The following ANKRD12 variants were observed in gnomAD, a reference collection of about 807,000 sequenced individuals.
ANKRD12 encodes the protein ankyrin repeat domain 12.
In ANKRD12, 85 loss-of-function variants were observed where a neutral mutation model predicts 183.4. The observed-to-expected ratio is 0.46, with a 90% CI of 0.39 to 0.56. The LOEUF is 0.56. Among genes scored for constraint, ANKRD12 ranks in the 20% least tolerant of loss-of-function variants. The pLI is 0.00. For synonymous variants in ANKRD12, 914 were observed against 800.2 expected, an observed-to-expected ratio of 1.14 and a Z score of -2.40; for missense variants, 2,405 against 2,357.1, an observed-to-expected ratio of 1.02 and a Z score of -0.42.
chr18:9,157,550 GGTGTGTGT>G (rs71168037), intron 1 of ANKRD12, among the ~76,000 whole-genome samples: 50 of 114,568 alleles, frequency 4.4e-4, no homozygotes, highest in Admixed American at 2.3e-3. Flanking sequence ...GGTGTGTGTG[GGTGTGTGT>G]GTGTGTGTGT....
chr18:9,234,883 G>A (rs540537494), intron 8 of ANKRD12, among the ~76,000 whole-genome samples: 1 of 152,198 alleles, frequency 6.6e-6, no homozygotes, highest in Non-Finnish European at 1.5e-5. Context: ...TGGGGTTGTG[G>A]ACTACTAAAG....
intron 1 of ANKRD12, among the ~76,000 whole-genome samples, chr18:9,162,932 T>C (rs2031623987): frequency 6.6e-6 from 1 of 152,212 alleles, no homozygotes; most frequent in Non-Finnish European, 1.5e-5. Flanking sequence ...TTGTAGACTC[T>C]GGATATTAAA....
chr18:9,199,367 T>C (rs2035034293), intron 3 of ANKRD12, among the ~76,000 whole-genome samples: 1 of 152,246 alleles, frequency 6.6e-6, no homozygotes, highest in South Asian at 2.1e-4. Context: ...GTAATTTGTG[T>C]ATTTACATTT....
At chr18:9,242,050 C>T (rs192085734) in intron 8 of ANKRD12, among the ~76,000 whole-genome samples, 79 of 151,238 alleles carry the variant, frequency 5.2e-4, no homozygotes, top group African/African-American at 1.5e-3. Flanking sequence ...TATATATATA[C>T]ACACACACAC....
chr18:9,193,517 T>C (rs952634844), intron 2 of ANKRD12, among the ~76,000 whole-genome samples: 2 of 152,094 alleles, frequency 1.3e-5, no homozygotes, highest in African/African-American at 4.8e-5. Flanking sequence ...GTGGTTTTTT[T>C]TTGTTTGTTT....
intron 1 of ANKRD12, among the ~76,000 whole-genome samples, chr18:9,146,997 G>T (rs2078514154): frequency 6.6e-6 from 1 of 152,156 alleles, no homozygotes. Flanking sequence ...ATTGGATCAG[G>T]GTGGAAATGA....
intron 2 of ANKRD12, among the ~76,000 whole-genome samples, chr18:9,186,137 A>ATTTTT (rs11310603): frequency 1.6e-5 from 2 of 126,770 alleles, no homozygotes; most frequent in Non-Finnish European, 3.3e-5. Context: ...TAAAAGTGTG[A>ATTTTT]TTTTTTTTTT....
In ANKRD12 at chr18:9,182,399, T is replaced by G; in HGVS notation, c.-34T>G. 1 of 1,421,104 alleles carries G rather than the reference T, an allele frequency of 7.0e-7. No individual in the cohort carries two copies. The allele number at this position is 1,421,104 out of a possible 1,614,324, so 88.0% of individuals were successfully genotyped here. A position where few individuals can be genotyped will look rare whatever the true frequency, so the allele number is the denominator to read the frequency against. On this transcript the variant is annotated 5_prime_UTR_variant, in exon 2 of 13. Coordinates refer to ENST00000262126, the MANE Select transcript of ANKRD12 (RefSeq NM_015208.5). ...CTTTACAGATCCAGGATGAGAAGAC[T>G]GATAAAAGAAGAAGCTAGCTGAACA...
intron 10 of ANKRD12, among the ~76,000 whole-genome samples, chr18:9,265,970 G>A (rs181648603): frequency 4.6e-5 from 7 of 152,304 alleles, no homozygotes; most frequent in South Asian, 4.1e-4. Flanking sequence ...ACTACATGAC[G>A]AATGCACAAG....
intron 6 of ANKRD12, among the ~76,000 whole-genome samples, chr18:9,214,829 G>T (rs951117378): frequency 3.3e-5 from 5 of 152,094 alleles, no homozygotes; most frequent in African/African-American, 1.2e-4. Context: ...TGAAAACGTT[G>T]CACTTTTTTG....
intron 1 of ANKRD12, among the ~76,000 whole-genome samples, chr18:9,139,913 G>A (rs765735564): frequency 4.6e-5 from 7 of 152,188 alleles, no homozygotes; most frequent in Admixed American, 2.6e-4. Context: ...TGGTTTGGCC[G>A]AGAGGTTTCT....
intron 10 of ANKRD12, among the ~76,000 whole-genome samples, chr18:9,273,610 C>A (rs2039704113): frequency 6.6e-6 from 1 of 152,172 alleles, no homozygotes. Context: ...CCAGATGACC[C>A]AACAGTTCCA....
At chr18:9,265,237 C>T (rs1458464375) in intron 10 of ANKRD12, among the ~76,000 whole-genome samples, 1 of 152,228 alleles carries the variant, frequency 6.6e-6, no homozygotes, top group Admixed American at 6.5e-5. Flanking sequence ...GAATTCTCTG[C>T]AGACTTAAAT....
At position 9,255,528 on chromosome 18, in the gene ANKRD12, T is replaced by C. The variant is rs1287563011; in HGVS notation, c.2261T>C (p.Ile754Thr). The change falls in exon 9 of 13, where the codon ATT becomes ACT. Residue 754 changes from isoleucine to threonine, a missense_variant. Transcript: ENST00000262126. ...ERNFKEERDK[I>T]KKESEKSFRE... ...AACTTTAAAGAGGAACGAGACAAGA[T>C]TAAAAAGGAAAGCGAGAAATCTTTT... is the stretch of plus-strand genomic sequence containing the variant. 1.3e-6 allele frequency: 2 copies of C among 1,575,278 alleles called. No homozygotes were observed. Among genetic ancestry groups the C allele is most frequent in the Non-Finnish European group, 1.7e-6 (2 of 1,169,336 alleles).
At chr18:9,141,538 A>G (rs886066452) in intron 1 of ANKRD12, among the ~76,000 whole-genome samples, 1 of 152,202 alleles carries the variant, frequency 6.6e-6, no homozygotes, top group Admixed American at 6.5e-5. Flanking sequence ...ATTCAAACAT[A>G]AGTCCTTAGA....
intron 10 of ANKRD12, among the ~76,000 whole-genome samples, chr18:9,265,217 A>G (rs532200411): frequency 3.3e-5 from 5 of 152,352 alleles, no homozygotes; most frequent in African/African-American, 9.6e-5. Flanking sequence ...CAGCCAAACA[A>G]AAGGCAGCAG....
intron 8 of ANKRD12, among the ~76,000 whole-genome samples, chr18:9,246,876 T>C (rs1037994382): frequency 2.0e-5 from 3 of 152,202 alleles, no homozygotes; most frequent in Non-Finnish European, 2.9e-5. Flanking sequence ...ACTAGATTAC[T>C]GATCTTTTAC....
intron 1 of ANKRD12, among the ~76,000 whole-genome samples, chr18:9,142,037 CAGGTCTT>C (rs1277277769): frequency 1.3e-5 from 2 of 152,136 alleles, no homozygotes; most frequent in Admixed American, 6.6e-5. Flanking sequence ...GCTGGGATTA[CAGGTCTT>C]AGCCACCTTA....
chr18:9,217,437 A>C lies in ANKRD12; in HGVS notation c.795+537A>C, dbSNP rs74864505. On this transcript the variant is annotated intron_variant, in intron 7 of 12. Coordinates refer to ENST00000262126, the MANE Select transcript of ANKRD12 (RefSeq NM_015208.5). ...ATTTCAAAGGAAAAAAAGACACTACATGTAAATGCACATTGAAATTTAAGA... is the reference window on the plus strand; with the variant it reads ...ATTTCAAAGGAAAAAAAGACACTACCTGTAAATGCACATTGAAATTTAAGA... 3.6e-3 allele frequency among the ~76,000 whole-genome samples: 542 copies of C among 152,314 alleles called. 5 individuals carry two copies. The highest frequency in any genetic ancestry group is 0.013 in the African/African-American group (523 of 41,578).
Sources: gnomAD v4.1 joint callset for allele counts (sites outside exome capture counted in the v4.1 genomes callset) on GRCh38, gnomAD v4.1.1 for gene constraint, MANE v1.5 for transcripts, NCBI Gene and HGNC (gene_info 2026-07-23, HGNC 2026-07-21) for gene names.